BRD8: variants seen among roughly 807,000 people sequenced by gnomAD.
BRD8 encodes bromodomain containing 8.
BRD8 carries 67 observed loss-of-function variants against 143.1 expected under a neutral mutation model. The observed-to-expected ratio is 0.47, with a 90% CI of 0.38 to 0.57. The LOEUF is 0.57. Ranked by LOEUF, BRD8 falls within the 20% of genes least tolerant of loss-of-function variation. The pLI, the probability that BRD8 is intolerant of heterozygous loss-of-function variation, is 0.00. For missense variants in BRD8, 1,103 were observed against 1,503.0 expected, an observed-to-expected ratio of 0.73 and a Z score of 4.40; for synonymous variants, 505 against 517.1, an observed-to-expected ratio of 0.98 and a Z score of 0.32.
intron 13 of BRD8, 49 bp downstream of exon 13, chr5:138,164,271 A>T (rs1561610942): frequency 6.2e-7 from 1 of 1,602,130 alleles, no homozygotes; most frequent in East Asian, 2.2e-5. Context: ...ACAACCCCTC[A>T]GAAGCCAAAG....
chr5:138,148,542 T>C (rs1305059378), intron 23 of BRD8, among the ~76,000 whole-genome samples: 1 of 151,912 alleles, frequency 6.6e-6, no homozygotes, highest in African/African-American at 2.4e-5. Flanking sequence ...AAATTTTGTT[T>C]ATTTTTTGTA....
At chr5:138,153,361 A>G (rs1561602144) in intron 20 of BRD8, among the ~76,000 whole-genome samples, 3 of 152,078 alleles carry the variant, frequency 2.0e-5, no homozygotes, top group African/African-American at 4.8e-5. Context: ...TCTCCCTTTT[A>G]CAACTTTCAA....
At chr5:138,155,587 C>CA (rs898874288) in intron 20 of BRD8, among the ~76,000 whole-genome samples, 3 of 151,812 alleles carry the variant, frequency 2.0e-5, no homozygotes, top group South Asian at 2.1e-4. Context: ...GGCTGGAGTG[C>CA]AGTGGCATGA....
chr5:138,163,245 T>C lies in BRD8; in HGVS notation c.1972A>G (p.Met658Val). ...TCGCTCACAGGAGGTTCATTATCCA[T>C]TTCTGACAAGTAGCCTTCTCCTTGA... ...EDQGEGYLSE[M>V]DNEPPVSESD... is the part of the protein sequence containing the mutation. Residue 658 changes from methionine (M) to valine (V), a missense_variant, in exon 15 of 27, where the codon ATG becomes GTG. This residue lies in a region of BRD8 where 75 missense variants were observed against 111.7 expected (regional missense o/e 0.67). Transcript: ENST00000254900. 1 of 1,614,132 alleles carries C rather than the reference T, an allele frequency of 6.2e-7. No individual in the cohort carries two copies. The highest frequency in any genetic ancestry group is 8.5e-7 in the Non-Finnish European group (1 of 1,180,020).
At chr5:138,177,693 G>C in intron 1 of BRD8, 26 bp from the exon 2 acceptor site, 1 of 895,306 alleles carries the variant, frequency 1.1e-6, no homozygotes, top group Non-Finnish European at 1.6e-6. Flanking sequence ...AAAAAAAAAA[G>C]CCTTGGAAAC....
chr5:138,152,633 C>T lies in BRD8; in HGVS notation c.2705G>A (p.Arg902Lys). 2.5e-6 allele frequency: 4 copies of T among 1,614,200 alleles called. 1 individual carries two copies. The highest frequency in any genetic ancestry group is 4.5e-5 in the East Asian group (2 of 44,880). ...SSLDLDVGNW[R>K]ETEDPEAEEL... ...CTCAGCCTCTGGATCCTCAGTTTCC[C>T]TCCAGTTGCCCACATCAAGATCCAG... The change falls in exon 21 of 27, where the codon AGG (arginine) becomes AAG (lysine). Residue 902 changes from arginine to lysine, a missense_variant. By Grantham distance (26) the Arg-to-Lys change is conservative. Transcript: ENST00000254900.
In BRD8 at chr5:138,139,942, G is replaced by A. The variant is rs1751838107; in HGVS notation, c.*132C>T. On this transcript the variant is annotated 3_prime_UTR_variant, in exon 27 of 27. Coordinates refer to ENST00000254900, the MANE Select transcript of BRD8 (RefSeq NM_139199.2). Reference sequence around the variant, plus strand: ...TGTCCACATGCATCTTTGACTCGTTGGTTGTGAGTTAAGGTATTATTCTTG... The same window carrying A: ...TGTCCACATGCATCTTTGACTCGTTAGTTGTGAGTTAAGGTATTATTCTTG... The A allele has an allele frequency of 1.5e-6, 1 of 669,304 alleles. No individual in the cohort carries two copies. The highest frequency in any genetic ancestry group is 2.8e-5 in the Admixed American group (1 of 35,514). The allele number at this position is 669,304 out of a possible 1,614,324, so 41.5% of individuals were successfully genotyped here.
In BRD8 at chr5:138,145,248, G is replaced by A. The variant is rs1752101282; in HGVS notation, c.3369-3C>T. The stretch of plus-strand genomic sequence containing the variant: ...GCTTCAGAAATGGACTGCTGAACCT[G>A]TTAAGGGACAAACCCAGAGAGGATA... On this transcript the variant is annotated splice_region_variant and splice_polypyrimidine_tract_variant and intron_variant, in intron 24 of 26. Coordinates refer to ENST00000254900, the MANE Select transcript of BRD8 (RefSeq NM_139199.2). 4 of 1,613,680 alleles carry A rather than the reference G, an allele frequency of 2.5e-6. No individual in the cohort carries two copies. Among genetic ancestry groups the A allele is most frequent in the Non-Finnish European group, 3.4e-6 (4 of 1,179,878 alleles).
At position 138,177,458 on chromosome 5, in the gene BRD8, AG is replaced by A. The variant is rs1754443870; in HGVS notation, c.116+112del. 18 of 672,864 alleles carry A rather than the reference AG, an allele frequency of 2.7e-5. No homozygotes were observed. In the East Asian group the frequency reaches 4.5e-4, roughly 17 times the overall value. The allele number at this position is 672,864 out of a possible 1,614,324, so 41.7% of individuals were successfully genotyped here. A position where few individuals can be genotyped will look rare whatever the true frequency, so the allele number is the denominator to read the frequency against. On this transcript the variant is annotated intron_variant, in intron 2 of 26. Transcript: ENST00000254900. Reference sequence around the variant, plus strand: ...ACTCAGTCTCAAAAAAAGAAGAAAAAGAAAAGAAAGTCTACTTACAGCTTAA... The same window carrying A: ...ACTCAGTCTCAAAAAAAGAAGAAAAAAAAAGAAAGTCTACTTACAGCTTAA...
At chr5:138,152,102 C>T (rs191152249) in intron 21 of BRD8, among the ~76,000 whole-genome samples, 37 of 151,394 alleles carry the variant, frequency 2.4e-4, no homozygotes, top group African/African-American at 6.8e-4. Context: ...GTGATCCGCC[C>T]GCCTCGGCCT....
intron 1 of BRD8, among the ~76,000 whole-genome samples, 158 bp downstream of exon 1, chr5:138,178,438 C>T (rs1754541864): frequency 6.6e-6 from 1 of 152,188 alleles, no homozygotes; most frequent in Non-Finnish European, 1.5e-5. Context: ...TCTGGGCCCC[C>T]AAACGTTGGT....
In BRD8 at chr5:138,156,982, C is replaced by T. The variant is rs887781872; in HGVS notation, c.2577+2573G>A. On this transcript the variant is annotated intron_variant, in intron 20 of 26. Transcript: ENST00000254900. ...TTGACAAGACAATACAAACTAGCTA[C>T]GATCTGCTAGCTACACATTAGGACA... 1.6e-5 allele frequency: 22 copies of T among 1,349,070 alleles called. No individual in the cohort carries two copies. The South Asian group carries it at 1.7e-4, about 11-fold the overall frequency. 83.6% of individuals were successfully genotyped at this position (1,349,070 alleles called of 1,614,324 possible).
intron 20 of BRD8, 110 bp from the exon 21 acceptor site, chr5:138,152,870 T>G: frequency 9.1e-7 from 1 of 1,104,822 alleles, no homozygotes; most frequent in Non-Finnish European, 1.3e-6. Flanking sequence ...TTTATTTGTA[T>G]TCAAGTATTC....
chr5:138,156,608 A>G (rs1434822628), intron 20 of BRD8, among the ~76,000 whole-genome samples: 1 of 152,222 alleles, frequency 6.6e-6, no homozygotes, highest in Non-Finnish European at 1.5e-5. Flanking sequence ...CAATGCCATG[A>G]ACAGAATTCT....
chr5:138,164,643 A>G, intron 12 of BRD8, 71 bp downstream of exon 12: 1 of 1,551,624 alleles, frequency 6.4e-7, no homozygotes, highest in Non-Finnish European at 8.8e-7. Flanking sequence ...GGAAAACCAA[A>G]AAGCCTAAGC....
chr5:138,166,574 G>GC lies in BRD8; in HGVS notation c.940dup (p.Ala314GlyfsTer15), dbSNP rs773068719. 6.2e-7 allele frequency: 1 copy of GC among 1,613,946 alleles called. No homozygotes were observed. The highest frequency in any genetic ancestry group is 8.5e-7 in the Non-Finnish European group (1 of 1,179,914). On this transcript the variant is annotated frameshift_variant, in exon 10 of 27. Coordinates refer to ENST00000254900, the MANE Select transcript of BRD8 (RefSeq NM_139199.2). LOFTEE classifies it high-confidence loss of function. ...CGGAGCAGAGGATGGTGCTGGCAGC[G>GC]CAGGCATCATGACAATGGTAGCTTG...
intron 9 of BRD8, 182 bp from the exon 10 acceptor site, chr5:138,166,909 T>C (rs1753472984): frequency 3.6e-6 from 2 of 548,864 alleles, no homozygotes; most frequent in East Asian, 6.4e-5. Context: ...TTCCTCCAAG[T>C]TAGGAATGAA....
chr5:138,140,858 C>T lies in BRD8; in HGVS notation c.3462G>A (p.Lys1154=). ...GAATCCGACCCTTAGAGAGATTTCT[C>T]TTCAGGCTAGTTAAGTCCATGGGTC... ...VKRPMDLTSL[K]RNLSKGRIRT... Residue 1154 remains lysine (K), a synonymous_variant, in exon 26 of 27, where the codon AAG becomes AAA. Coordinates refer to ENST00000254900, the MANE Select transcript of BRD8 (RefSeq NM_139199.2). 1 of 1,614,192 alleles carries T rather than the reference C, an allele frequency of 6.2e-7. No individual in the cohort carries two copies. The highest frequency in any genetic ancestry group is 8.5e-7 in the Non-Finnish European group (1 of 1,180,044).
intron 7 of BRD8, among the ~76,000 whole-genome samples, chr5:138,169,901 G>A (rs1038805513): frequency 1.3e-5 from 2 of 152,244 alleles, no homozygotes; most frequent in African/African-American, 4.8e-5. Flanking sequence ...GGAGGTTGCA[G>A]TGACCCAAGA....
Sources: allele counts gnomAD v4.1 joint callset (sites outside exome capture counted in the v4.1 genomes callset), GRCh38; gene constraint gnomAD v4.1.1; regional missense constraint gnomAD v4.1.1; transcripts MANE v1.5; gene names NCBI Gene and HGNC (gene_info 2026-07-23, HGNC 2026-07-21).